RBM20: variants seen among roughly 807,000 people sequenced by gnomAD.
RBM20 encodes RNA binding motif protein 20, also known as RNA-binding protein 20.
Under a neutral mutation model 110.1 loss-of-function variants are expected in RBM20, and 51 were observed. That is an observed-to-expected ratio of 0.46 (90% confidence interval 0.37 to 0.59). RBM20 has a LOEUF of 0.59. Among genes scored for constraint, RBM20 ranks in the 20% least tolerant of loss-of-function variants. The pLI is 0.00. For synonymous variants in RBM20, 589 were observed against 618.2 expected (o/e 0.95, Z 0.70); for missense variants, 1,512 against 1,574.9 (o/e 0.96, Z 0.68).
intron 1 of RBM20, among the ~76,000 whole-genome samples, chr10:110,768,282 T>C (rs958215166): frequency 6.6e-6 from 1 of 151,810 alleles, no homozygotes; most frequent in Non-Finnish European, 1.5e-5. Context: ...AACTTTCTTA[T>C]GGCCACAGCT....
intron 1 of RBM20, among the ~76,000 whole-genome samples, chr10:110,671,286 A>C (rs139263415): frequency 9.2e-5 from 14 of 152,332 alleles, no homozygotes; most frequent in African/African-American, 3.4e-4. Context: ...TTCTTCATGC[A>C]TGTCATTTTG....
intron 12 of RBM20, among the ~76,000 whole-genome samples, chr10:110,830,198 T>C (rs1428263058): frequency 1.3e-5 from 2 of 152,202 alleles, no homozygotes; most frequent in Non-Finnish European, 2.9e-5. Flanking sequence ...GACCGTGTCT[T>C]CAAAAGGAGA....
At chr10:110,711,307 G>A (rs1481260446) in intron 1 of RBM20, among the ~76,000 whole-genome samples, 1 of 122,006 alleles carries the variant, frequency 8.2e-6, no homozygotes, top group African/African-American at 3.2e-5. Flanking sequence ...TCCAGCCTGG[G>A]AGACAGAGTG....
chr10:110,652,139 A>G (rs145240504), intron 1 of RBM20, among the ~76,000 whole-genome samples: 1 of 152,254 alleles, frequency 6.6e-6, no homozygotes, highest in Non-Finnish European at 1.5e-5. Flanking sequence ...CTACTCAGCC[A>G]TTAGAATGAT....
chr10:110,751,112 C>A (rs915977243), intron 1 of RBM20, among the ~76,000 whole-genome samples: 1 of 152,212 alleles, frequency 6.6e-6, no homozygotes, highest in Non-Finnish European at 1.5e-5. Context: ...TTATAGCTAT[C>A]ACTGCTGTCA....
At chr10:110,796,142 A>T (rs1057203957) in intron 5 of RBM20, among the ~76,000 whole-genome samples, 2 of 152,246 alleles carry the variant, frequency 1.3e-5, no homozygotes, top group African/African-American at 4.8e-5. Flanking sequence ...TGTAAGTCAA[A>T]CAACATGAGG....
intron 1 of RBM20, among the ~76,000 whole-genome samples, chr10:110,680,123 C>T (rs1195792013): frequency 1.3e-5 from 2 of 151,976 alleles, no homozygotes; most frequent in South Asian, 2.1e-4. Context: ...GGGAGCCGGG[C>T]ACCTGTTGTC....
At chr10:110,701,060 C>G (rs1007140974) in intron 1 of RBM20, among the ~76,000 whole-genome samples, 2 of 152,210 alleles carry the variant, frequency 1.3e-5, no homozygotes, top group South Asian at 2.1e-4. Context: ...CCTCTCTTTG[C>G]TTCTGCCTTA....
chr10:110,807,003 C>A (rs1461374130), intron 7 of RBM20, among the ~76,000 whole-genome samples: 1 of 152,212 alleles, frequency 6.6e-6, no homozygotes, highest in African/African-American at 2.4e-5. Flanking sequence ...CAGAGAGCAC[C>A]AAACAATTTG....
chr10:110,835,322 TTTTTTCTTTTTTTTTTC>T (rs1351514902), intron 13 of RBM20: 1 of 121,898 alleles, frequency 8.2e-6, no homozygotes, highest in Non-Finnish European at 1.6e-5. Context: ...TTTCTTTTCT[TTTTTTCTTTTTTTTTTC>T]TTTTTTTTTT....
intron 2 of RBM20, among the ~76,000 whole-genome samples, chr10:110,782,902 G>T (rs1480390726): frequency 6.6e-6 from 1 of 152,174 alleles, no homozygotes; most frequent in East Asian, 1.9e-4. Context: ...CTTGGGAGGG[G>T]ACTAGCTGAC....
intron 1 of RBM20, among the ~76,000 whole-genome samples, chr10:110,721,894 C>T (rs977919688): frequency 2.6e-5 from 4 of 151,978 alleles, no homozygotes; most frequent in African/African-American, 7.3e-5. Flanking sequence ...GGGATGCATC[C>T]AAGACTTTGG....
intron 1 of RBM20, among the ~76,000 whole-genome samples, chr10:110,762,512 T>C (rs1473304242): frequency 6.6e-6 from 1 of 152,244 alleles, no homozygotes; most frequent in Admixed American, 6.5e-5. Flanking sequence ...TTTATTCTCC[T>C]GGGAATTGCA....
rs375220244 is a variant in RBM20, at chr10:110,669,208, TTGCTTATGGC to T, written c.191+24566_191+24575del. ...TTTGGCTAATCCACTGACGGTGAGCTTGCTTATGGCTGGAGAACTATGAAAGTGTTTCCAG... is the reference window on the plus strand; with the variant it reads ...TTTGGCTAATCCACTGACGGTGAGCTTGGAGAACTATGAAAGTGTTTCCAG... On this transcript the variant is annotated intron_variant, in intron 1 of 13. Transcript: ENST00000369519. 4.3e-3 allele frequency among the ~76,000 whole-genome samples: 650 copies of T among 152,296 alleles called. 4 individuals carry two copies. Among genetic ancestry groups the T allele is most frequent in the African/African-American group, 0.014 (602 of 41,546 alleles).
chr10:110,768,430 G>A (rs867826022), intron 1 of RBM20, among the ~76,000 whole-genome samples: 3 of 152,152 alleles, frequency 2.0e-5, no homozygotes, highest in Non-Finnish European at 4.4e-5. Flanking sequence ...TTGGGAAAGG[G>A]ATATTTTTCT....
intron 7 of RBM20, among the ~76,000 whole-genome samples, chr10:110,806,660 A>G (rs1844699361): frequency 6.6e-6 from 1 of 152,222 alleles, no homozygotes; most frequent in Admixed American, 6.5e-5. Flanking sequence ...ATGCAACAAG[A>G]TTAGTCATCA....
At chr10:110,674,258 T>C (rs1251050909) in intron 1 of RBM20, among the ~76,000 whole-genome samples, 8 of 152,238 alleles carry the variant, frequency 5.3e-5, no homozygotes, top group African/African-American at 1.9e-4. Flanking sequence ...TCTTATGTTC[T>C]GTAAAATCCA....
At chr10:110,688,027 G>C (rs868506786) in intron 1 of RBM20, among the ~76,000 whole-genome samples, 3 of 141,664 alleles carry the variant, frequency 2.1e-5, no homozygotes, top group Admixed American at 7.0e-5. Context: ...GTGTGTGTGT[G>C]TGTGTGTGTA....
In RBM20 at chr10:110,739,804, T is replaced by C. The variant is rs1843706788; in HGVS notation, c.192-40997T>C. ...GCAGTTCAAATCCCTGGCCTGAGTA[T>C]TGGGTGATTGTTGCGGTCATGAAGG... On this transcript the variant is annotated intron_variant, in intron 1 of 13. Coordinates refer to ENST00000369519, the MANE Select transcript of RBM20 (RefSeq NM_001134363.3). The surrounding 1 kb of genome is among the most constrained non-coding windows in gnomAD (Gnocchi z 4.1). Among the ~76,000 whole-genome samples the C allele has an allele frequency of 6.6e-6, 1 of 152,182 alleles. No homozygotes were observed. The highest frequency in any genetic ancestry group is 1.9e-4 in the East Asian group (1 of 5,198).
Sources: gnomAD v4.1 joint callset for allele counts (sites outside exome capture counted in the v4.1 genomes callset) on GRCh38, gnomAD v4.1.1 for gene constraint, Gnocchi (gnomAD v3.1) non-coding constraint, MANE v1.5 for transcripts, NCBI Gene and HGNC (gene_info 2026-07-23, HGNC 2026-07-21) for gene names.